The following HECW1 variants were observed in gnomAD, a reference collection of about 807,000 sequenced individuals.
The protein encoded by HECW1 is HECT, C2 and WW domain containing E3 ubiquitin protein ligase 1.
Under a neutral mutation model 182.3 loss-of-function variants are expected in HECW1, and 61 were observed. That is an observed-to-expected ratio of 0.33 (90% confidence interval 0.27 to 0.41). The LOEUF is 0.41. Among genes scored for constraint, HECW1 ranks in the 10% least tolerant of loss-of-function variants. The pLI, the probability that HECW1 is intolerant of heterozygous loss-of-function variation, is 1.00. For missense variants in HECW1, 1,739 were observed against 2,108.9 expected, an observed-to-expected ratio of 0.82 and a Z score of 3.44; for synonymous variants, 859 against 832.6, an observed-to-expected ratio of 1.03 and a Z score of -0.55.
chr7:43,543,829 C>T (rs11764232), intron 26 of HECW1, among the ~76,000 whole-genome samples: 47,816 of 151,560 alleles, frequency 0.32, 7,586 homozygotes, highest in Middle Eastern at 0.41. Flanking sequence ...CATTTAACTT[C>T]CCTGCCATGT....
intron 3 of HECW1, chr7:43,311,518 C>A (rs1309680212): frequency 1.4e-6 from 1 of 708,684 alleles, no homozygotes; most frequent in South Asian, 1.4e-5. Context: ...GGCAGAGACT[C>A]CAACAAAACA....
At chr7:43,130,742 T>G (rs896321346) in intron 2 of HECW1, among the ~76,000 whole-genome samples, 3 of 152,246 alleles carry the variant, frequency 2.0e-5, no homozygotes, top group Non-Finnish European at 4.4e-5. Flanking sequence ...GAATTTTGAC[T>G]GTGACCTGGC....
intron 3 of HECW1, among the ~76,000 whole-genome samples, chr7:43,260,423 A>G (rs1801047901): frequency 1.3e-5 from 2 of 152,250 alleles, no homozygotes; most frequent in Non-Finnish European, 2.9e-5. Flanking sequence ...GGGAGCAAGG[A>G]AAAGAGATGA....
In HECW1 at chr7:43,331,933, G is replaced by A; in HGVS notation, c.460+11191G>A. Among the ~76,000 whole-genome samples the A allele has an allele frequency of 1.3e-5, 2 of 152,132 alleles. 1 individual carries two copies. The highest frequency in any genetic ancestry group is 6.3e-3 in the Middle Eastern group (2 of 316). On this transcript the variant is annotated intron_variant, in intron 5 of 29. Transcript: ENST00000395891. ...ATGGATTGAAGGCCATGAGGAGTCA[G>A]TAGGCAACAGGATCCAGAGAACAGT...
At chr7:43,496,799 A>G (rs1364938289) in intron 19 of HECW1, among the ~76,000 whole-genome samples, 1 of 152,184 alleles carries the variant, frequency 6.6e-6, no homozygotes, top group Non-Finnish European at 1.5e-5. Context: ...CCACATGTAG[A>G]GAAGGGGATG....
chr7:43,398,976 C>G (rs1488653968), intron 7 of HECW1, among the ~76,000 whole-genome samples: 2 of 152,308 alleles, frequency 1.3e-5, no homozygotes, highest in East Asian at 3.9e-4. Context: ...GCCAGCTGAT[C>G]CATCAAGTAC....
chr7:43,174,180 G>C (rs1196618633), intron 2 of HECW1, among the ~76,000 whole-genome samples: 1 of 152,044 alleles, frequency 6.6e-6, no homozygotes, highest in Admixed American at 6.6e-5. Flanking sequence ...GAGCATACTG[G>C]GAAGATGTCC....
chr7:43,423,597 C>T (rs1243709193), intron 8 of HECW1, among the ~76,000 whole-genome samples: 1 of 152,156 alleles, frequency 6.6e-6, no homozygotes, highest in Non-Finnish European at 1.5e-5. Flanking sequence ...TCCTTGAAAA[C>T]CATTGCCAAT....
intron 2 of HECW1, among the ~76,000 whole-genome samples, chr7:43,175,822 T>C (rs1385533961): frequency 6.6e-6 from 1 of 152,166 alleles, no homozygotes; most frequent in African/African-American, 2.4e-5. Flanking sequence ...TTTTGGTTGT[T>C]CTAGTCACGT....
chr7:43,425,566 A>G (rs2076338654), intron 8 of HECW1, among the ~76,000 whole-genome samples: 1 of 152,170 alleles, frequency 6.6e-6, no homozygotes, highest in Non-Finnish European at 1.5e-5. Context: ...CTGTTGCTAT[A>G]ATGGAATACG....
At chr7:43,262,489 G>C (rs1228511022) in intron 3 of HECW1, among the ~76,000 whole-genome samples, 1 of 152,130 alleles carries the variant, frequency 6.6e-6, no homozygotes, top group Non-Finnish European at 1.5e-5. Context: ...TGGAGGCAGA[G>C]ATGAGATTCA....
intron 3 of HECW1, among the ~76,000 whole-genome samples, chr7:43,307,192 A>G (rs74992534): frequency 0.013 from 1,983 of 152,298 alleles, 58 homozygotes; most frequent in African/African-American, 0.046. Flanking sequence ...TCAAGCGTCA[A>G]CTAAAATCTA....
chr7:43,122,439 T>C (rs1785727786), intron 2 of HECW1, among the ~76,000 whole-genome samples: 1 of 152,170 alleles, frequency 6.6e-6, no homozygotes, highest in Admixed American at 6.5e-5. Flanking sequence ...GAGTAGAAAT[T>C]GCAGAATTTC....
At chr7:43,520,877 C>T (rs1343871615) in intron 24 of HECW1, among the ~76,000 whole-genome samples, 3 of 152,170 alleles carry the variant, frequency 2.0e-5, no homozygotes, top group Admixed American at 6.5e-5. Flanking sequence ...CCCTCCCTGG[C>T]CACTTTGTGT....
chr7:43,400,467 G>C (rs552738828), intron 7 of HECW1, among the ~76,000 whole-genome samples: 11 of 152,214 alleles, frequency 7.2e-5, no homozygotes, highest in Admixed American at 6.5e-4. Context: ...ATTTTGACTT[G>C]AACAATGTGT....
At chr7:43,504,538 G>A (rs1317255541) in intron 21 of HECW1, among the ~76,000 whole-genome samples, 1 of 152,176 alleles carries the variant, frequency 6.6e-6, no homozygotes, top group African/African-American at 2.4e-5. Flanking sequence ...CTCTGGCAGA[G>A]CTTCACCCCT....
At chr7:43,305,506 G>A (rs1283932147) in intron 3 of HECW1, among the ~76,000 whole-genome samples, 3 of 152,108 alleles carry the variant, frequency 2.0e-5, no homozygotes, top group South Asian at 2.1e-4. Flanking sequence ...CCTGCCACAC[G>A]ATGGATGACC....
At chr7:43,227,577 A>AT (rs1797539441) in intron 2 of HECW1, among the ~76,000 whole-genome samples, 1 of 152,222 alleles carries the variant, frequency 6.6e-6, no homozygotes, top group Non-Finnish European at 1.5e-5. Flanking sequence ...GTAAAGTTAC[A>AT]TTTTATGTTA....
chr7:43,368,028 G>C (rs1208365692), intron 6 of HECW1, among the ~76,000 whole-genome samples: 4 of 152,076 alleles, frequency 2.6e-5, no homozygotes, highest in African/African-American at 9.7e-5. Flanking sequence ...AGTTATTCTG[G>C]GCATCTTTAT....
Sources: allele counts gnomAD v4.1 joint callset (sites outside exome capture counted in the v4.1 genomes callset), GRCh38; gene constraint gnomAD v4.1.1; transcripts MANE v1.5; gene names NCBI Gene and HGNC (gene_info 2026-07-23, HGNC 2026-07-21).